The following CACNA1E variants were observed in gnomAD, a reference collection of about 807,000 sequenced individuals.
The protein encoded by CACNA1E is calcium voltage-gated channel subunit alpha1 E, also known as voltage-dependent R-type calcium channel subunit alpha-1E.
In CACNA1E, 40 loss-of-function variants were observed where a neutral mutation model predicts 259.2. That is an observed-to-expected ratio of 0.15 (90% CI 0.12 to 0.20). CACNA1E has a LOEUF of 0.20. CACNA1E is among the 10% of genes least tolerant of loss of function. The pLI is 1.00. For missense variants in CACNA1E, 1,874 were observed against 3,040.1 expected, an observed-to-expected ratio of 0.62 and a Z score of 9.02; for synonymous variants, 1,104 against 1,138.5, an observed-to-expected ratio of 0.97 and a Z score of 0.61.
chr1:181,724,418 T>A lies in CACNA1E; in HGVS notation c.2075-52T>A, dbSNP rs372456775. The A allele has an allele frequency of 9.9e-5, 145 of 1,471,916 alleles. 1 individual carries two copies. The African/African-American group carries it at 1.9e-3, about 19-fold the overall frequency. 91.2% of individuals were successfully genotyped at this position (1,471,916 alleles called of 1,614,324 possible). On this transcript the variant is annotated intron_variant, in intron 16 of 47. Transcript: ENST00000367573. ...AGATTATCAGGTGGCCTCTCAGCCT[T>A]GCTGAAGACTTTTGCTTTTCTTATT... is the stretch of plus-strand genomic sequence containing the variant.
At chr1:181,694,586 G>A (rs1651519900) in intron 7 of CACNA1E, among the ~76,000 whole-genome samples, 1 of 152,130 alleles carries the variant, frequency 6.6e-6, no homozygotes, top group African/African-American at 2.4e-5. Flanking sequence ...ACACCCTTCT[G>A]CCATGAGATG....
chr1:181,621,077 A>C (rs568727843), intron 6 of CACNA1E, among the ~76,000 whole-genome samples: 1 of 152,358 alleles, frequency 6.6e-6, no homozygotes, highest in East Asian at 1.9e-4. Flanking sequence ...CTACTTATTT[A>C]GGAAATATTT....
chr1:181,703,584 T>C (rs953042609), intron 7 of CACNA1E, among the ~76,000 whole-genome samples: 5 of 152,116 alleles, frequency 3.3e-5, no homozygotes, highest in African/African-American at 1.2e-4. Flanking sequence ...CTCAAACAAA[T>C]AAATGAGATC....
Position 181,580,620 on chromosome 1 carries a change from T to A in CACNA1E, c.795T>A (p.Pro265=). ...GTATTCTAGAAGGATTTGACCCCCC[T>A]CACCCATGTGGTGTGCAGGGCTGCC... is the stretch of plus-strand genomic sequence containing the variant. The part of the protein sequence containing the change: ...NSGILEGFDP[P]HPCGVQGCPA... Residue 265 remains proline (P), a synonymous_variant, in exon 6 of 48, where the codon CCT becomes CCA. Transcript: ENST00000367573. 6.2e-7 allele frequency: 1 copy of A among 1,614,044 alleles called. No individual in the cohort carries two copies. Among genetic ancestry groups the A allele is most frequent in the Non-Finnish European group, 8.5e-7 (1 of 1,179,874 alleles).
intron 1 of CACNA1E, among the ~76,000 whole-genome samples, chr1:181,346,828 G>C (rs1005053122): frequency 6.6e-6 from 1 of 152,130 alleles, no homozygotes; most frequent in African/African-American, 2.4e-5. Context: ...ATACTGGGAC[G>C]AAGTAGCTGC....
intron 3 of CACNA1E, among the ~76,000 whole-genome samples, chr1:181,528,385 G>T (rs994712054): frequency 5.3e-5 from 8 of 152,142 alleles, no homozygotes; most frequent in African/African-American, 1.9e-4. Context: ...CCAGTTTCAG[G>T]TATGTTTTTA....
At chr1:181,604,620 G>A (rs1370180694) in intron 6 of CACNA1E, among the ~76,000 whole-genome samples, 1 of 152,240 alleles carries the variant, frequency 6.6e-6, no homozygotes, top group East Asian at 1.9e-4. Context: ...GCAAGCTGCT[G>A]CCAAGTCACT....
intron 6 of CACNA1E, among the ~76,000 whole-genome samples, chr1:181,624,122 T>C (rs1323814174): frequency 4.6e-5 from 7 of 152,038 alleles, no homozygotes; most frequent in Non-Finnish European, 1.0e-4. Context: ...ACCAGGCTCT[T>C]AAAAATTCTA....
chr1:181,352,591 TTG>T (rs1216586577), intron 1 of CACNA1E, among the ~76,000 whole-genome samples: 2 of 152,214 alleles, frequency 1.3e-5, no homozygotes, highest in Non-Finnish European at 2.9e-5. Context: ...AATTAATGCA[TTG>T]GTCTCTCTCT....
intron 1 of CACNA1E, among the ~76,000 whole-genome samples, chr1:181,386,970 A>T (rs187866905): frequency 6.6e-6 from 1 of 152,294 alleles, no homozygotes; most frequent in Admixed American, 6.5e-5. Context: ...AGTTCATTGA[A>T]TAACTTTTGT....
Position 181,483,866 on chromosome 1 carries a change from A to C in CACNA1E, c.122A>C (p.Gln41Pro), listed in dbSNP as rs773295315. The C allele has an allele frequency of 5.0e-6, 8 of 1,613,686 alleles. No individual in the cohort carries two copies. The Admixed American group carries it at 6.7e-5, about 13-fold the overall frequency. Residue 41 changes from glutamine (Q) to proline (P), a missense_variant, in exon 1 of 48, where the codon CAG (glutamine) becomes CCG (proline). Transcript: ENST00000367573. Reference sequence around the variant, plus strand: ...TCGGGGCAGGCGGCCGCCTACAAGCAGACGAAAGCACAGAGGGCGCGGACT... The same window carrying C: ...TCGGGGCAGGCGGCCGCCTACAAGCCGACGAAAGCACAGAGGGCGCGGACT... ...PASGQAAAYK[Q>P]TKAQRARTMA... is the part of the protein sequence containing the mutation.
chr1:181,595,965 A>G (rs1653116335), intron 6 of CACNA1E, among the ~76,000 whole-genome samples: 1 of 152,220 alleles, frequency 6.6e-6, no homozygotes, highest in South Asian at 2.1e-4. Context: ...CCTCTCTTTT[A>G]TATCCAGGTT....
intron 1 of CACNA1E, among the ~76,000 whole-genome samples, chr1:181,502,873 A>G (rs1315129783): frequency 6.6e-6 from 1 of 152,034 alleles, no homozygotes; most frequent in Non-Finnish European, 1.5e-5. Flanking sequence ...TAATTTTTGT[A>G]TTAATTGCAG....
chr1:181,713,653 A>T (rs984875930), intron 8 of CACNA1E, among the ~76,000 whole-genome samples: 4 of 152,154 alleles, frequency 2.6e-5, no homozygotes, highest in Non-Finnish European at 5.9e-5. Flanking sequence ...ACCATTGTTT[A>T]GTAGGGTCTG....
At chr1:181,439,746 T>C (rs1242573490) in intron 2 of CACNA1E, among the ~76,000 whole-genome samples, 2 of 152,208 alleles carry the variant, frequency 1.3e-5, no homozygotes, top group Non-Finnish European at 2.9e-5. Context: ...ACATAACATG[T>C]CATATGGTCA....
At chr1:181,774,580 T>C (rs181266233) in intron 37 of CACNA1E, among the ~76,000 whole-genome samples, 1 of 152,342 alleles carries the variant, frequency 6.6e-6, no homozygotes, top group East Asian at 1.9e-4. Context: ...ACCTCTGTGG[T>C]GTGTCCCTCA....
At position 181,736,921 on chromosome 1, in the gene CACNA1E, G is replaced by A. The variant is rs561438243; in HGVS notation, c.3422+487G>A. On this transcript the variant is annotated intron_variant, in intron 22 of 47. Coordinates refer to ENST00000367573, the MANE Select transcript of CACNA1E (RefSeq NM_001205293.3). ...GAGCAGAGGCAGGGACATGAAGTGG[G>A]GGTGACAGAGCGGAGTCTGGAAGGT... 1.9e-3 allele frequency among the ~76,000 whole-genome samples: 283 copies of A among 152,294 alleles called. 1 individual carries two copies. Among genetic ancestry groups the A allele is most frequent in the Non-Finnish European group, 2.8e-3 (193 of 68,024 alleles).
At chr1:181,398,196 G>A (rs1252149412) in intron 1 of CACNA1E, among the ~76,000 whole-genome samples, 1 of 152,162 alleles carries the variant, frequency 6.6e-6, no homozygotes, top group Middle Eastern at 3.2e-3. Context: ...CTGAGAGGAG[G>A]GGCAGTTTAA....
intron 27 of CACNA1E, 121 bp downstream of exon 27, chr1:181,752,360 G>A (rs764691278): frequency 8.5e-5 from 62 of 727,510 alleles, no homozygotes; most frequent in Middle Eastern, 2.7e-4. Context: ...CACGGATATC[G>A]AAGTTCTTTT....
Sources: gnomAD v4.1 joint callset for allele counts (sites outside exome capture counted in the v4.1 genomes callset) on GRCh38, gnomAD v4.1.1 for gene constraint, MANE v1.5 for transcripts, NCBI Gene and HGNC (gene_info 2026-07-23, HGNC 2026-07-21) for gene names.